Variants in INSC observed in about 807,000 individuals in gnomAD.
The protein encoded by INSC is protein inscuteable homolog.
INSC carries 67 observed loss-of-function variants against 58.6 expected under a neutral mutation model. That is an observed-to-expected ratio of 1.14 (90% CI 0.94 to 1.40). INSC has a LOEUF of 1.40. INSC is among the 40% of genes most tolerant of loss of function. The probability of loss-of-function intolerance (pLI) is 0.00; values close to 1 mark genes in which losing one functional copy is unlikely to be tolerated. For synonymous variants in INSC, 262 were observed against 276.1 expected, an observed-to-expected ratio of 0.95 and a Z score of 0.51; for missense variants, 714 against 692.0, an observed-to-expected ratio of 1.03 and a Z score of -0.36.
intron 9 of INSC, among the ~76,000 whole-genome samples, chr11:15,229,867 GGGC>G (rs1262468023): frequency 4.6e-4 from 66 of 143,490 alleles, no homozygotes; most frequent in African/African-American, 1.7e-3. Context: ...AGACCAGCCT[GGGC>G]AACGTGGCAA....
chr11:15,240,419 C>T (rs1331728468), intron 11 of INSC, 28 bp from the exon 12 acceptor site: 1 of 1,604,104 alleles, frequency 6.2e-7, no homozygotes, highest in African/African-American at 1.3e-5. Context: ...CTGTCCTGGG[C>T]CTGAGGCTCT....
chr11:15,112,015 G>A (rs145933494), upstream of INSC, among the ~76,000 whole-genome samples: 10 of 152,304 alleles, frequency 6.6e-5, no homozygotes, highest in East Asian at 1.9e-3. Flanking sequence ...TATTATCTTT[G>A]TGTCTGGATG....
rs758029102 is a variant in INSC, at chr11:15,221,581, C to A, written c.924C>A (p.His308Gln). 5 of 1,614,004 alleles carry A rather than the reference C, an allele frequency of 3.1e-6. No homozygotes were observed. In the South Asian group the frequency reaches 3.3e-5, roughly 11 times the overall value. The change falls in exon 8 of 13, where the codon CAC becomes CAA. Residue 308 changes from histidine (H) to glutamine (Q), a missense_variant. His to Gln is a conservative substitution (Grantham distance 24, BLOSUM62 0). Transcript: ENST00000379556. ...AAVVAQVTSP[H>Q]LPVTQHLSSF... ...TGGTGGCCCAGGTCACCTCCCCACA[C>A]CTGCCCGTCACCCAGCACCTCAGTA...
chr11:15,166,176 GGGACA>G (rs1425014647), intron 2 of INSC, among the ~76,000 whole-genome samples: 4 of 152,118 alleles, frequency 2.6e-5, no homozygotes, highest in Non-Finnish European at 4.4e-5. Flanking sequence ...GTGTCATGTG[GGGACA>G]GACACTTCTC....
intron 2 of INSC, among the ~76,000 whole-genome samples, chr11:15,152,308 C>T (rs1041021899): frequency 1.3e-5 from 2 of 152,132 alleles, no homozygotes; most frequent in African/African-American, 4.8e-5. Context: ...TGTTGTTGTC[C>T]ATTGGCCAAA....
chr11:15,156,178 A>G (rs1486044336), intron 2 of INSC, among the ~76,000 whole-genome samples: 1 of 152,234 alleles, frequency 6.6e-6, no homozygotes, highest in Non-Finnish European at 1.5e-5. Flanking sequence ...GGCCAGGGTC[A>G]GAAGTTCTGT....
intron 2 of INSC, among the ~76,000 whole-genome samples, chr11:15,158,054 C>A (rs1848878966): frequency 6.6e-6 from 1 of 152,114 alleles, no homozygotes; most frequent in African/African-American, 2.4e-5. Context: ...CCTATCCTGT[C>A]CCTCCCAGAT....
chr11:15,214,248 C>T (rs1324273119), intron 7 of INSC, among the ~76,000 whole-genome samples: 1 of 152,142 alleles, frequency 6.6e-6, no homozygotes, highest in African/African-American at 2.4e-5. Context: ...CTTTGTGATT[C>T]CCACTCATCA....
intron 1 of INSC, among the ~76,000 whole-genome samples, chr11:15,125,349 G>A (rs982130769): frequency 1.4e-4 from 21 of 152,180 alleles, no homozygotes; most frequent in African/African-American, 5.1e-4. Context: ...AGGCTCTTGT[G>A]GGTTATTTGA....
intron 1 of INSC, among the ~76,000 whole-genome samples, chr11:15,120,877 A>G (rs973725050): frequency 3.3e-5 from 5 of 152,192 alleles, no homozygotes; most frequent in South Asian, 2.1e-4. Flanking sequence ...TAAGACTTAT[A>G]TAAGAAATCT....
intron 2 of INSC, among the ~76,000 whole-genome samples, chr11:15,157,855 C>T (rs954914602): frequency 1.1e-4 from 16 of 152,112 alleles, no homozygotes; most frequent in Non-Finnish European, 1.9e-4. Flanking sequence ...TCGATGGGCC[C>T]CTCTGCAAGG....
chr11:15,200,615 A>G (rs1055752637), intron 6 of INSC, among the ~76,000 whole-genome samples: 4 of 151,978 alleles, frequency 2.6e-5, no homozygotes, highest in African/African-American at 9.7e-5. Context: ...AGCTTGGACT[A>G]TGAAGGGTGA....
chr11:15,228,515 T>G (rs1248481149), intron 9 of INSC, among the ~76,000 whole-genome samples: 1 of 152,210 alleles, frequency 6.6e-6, no homozygotes, highest in African/African-American at 2.4e-5. Context: ...CTAGTGAAAG[T>G]GCACCCATTA....
chr11:15,195,349 C>T (rs554222237), intron 6 of INSC, among the ~76,000 whole-genome samples: 2 of 152,134 alleles, frequency 1.3e-5, no homozygotes, highest in Non-Finnish European at 2.9e-5. Flanking sequence ...GATTTGGGCT[C>T]TCTGTGTGGA....
At chr11:15,193,564 T>C (rs1486394582) in intron 6 of INSC, among the ~76,000 whole-genome samples, 1 of 152,188 alleles carries the variant, frequency 6.6e-6, no homozygotes, top group African/African-American at 2.4e-5. Flanking sequence ...GTCCTTGCAA[T>C]AGTTTGCTGA....
At chr11:15,263,935 C>T in the INSC span, among the ~76,000 whole-genome samples, 2 of 150,378 alleles carry the variant, frequency 1.3e-5, no homozygotes, top group African/African-American at 2.4e-5. Context: ...ACCTCAAATT[C>T]TTCTCATGCT....
At chr11:15,258,656 C>T in the INSC span, among the ~76,000 whole-genome samples, 1 of 152,156 alleles carries the variant, frequency 6.6e-6, no homozygotes, top group African/African-American at 2.4e-5. Flanking sequence ...ATCTGCTGGA[C>T]CCTTTGAATA....
At position 15,146,193 on chromosome 11, in the gene INSC, A is replaced by G. The variant is rs78526368; in HGVS notation, c.-45-2937A>G. Among the ~76,000 whole-genome samples the G allele has an allele frequency of 1.5e-4, 23 of 152,368 alleles. No individual in the cohort carries two copies. In the East Asian group the frequency reaches 4.4e-3, roughly 29 times the overall value. Reference sequence around the variant, plus strand: ...TTCTAAACATCAGGTGGGCTAAACAAGTATTTCCTATCTCGCCTTCCAGAT... The same window carrying G: ...TTCTAAACATCAGGTGGGCTAAACAGGTATTTCCTATCTCGCCTTCCAGAT... On this transcript the variant is annotated intron_variant, in intron 1 of 12. Coordinates refer to ENST00000379556, the MANE Select transcript of INSC (RefSeq NM_001042536.3).
chr11:15,226,999 T>G (rs972431291), intron 9 of INSC, among the ~76,000 whole-genome samples: 1 of 152,186 alleles, frequency 6.6e-6, no homozygotes, highest in Non-Finnish European at 1.5e-5. Flanking sequence ...AAGCTCCTAT[T>G]CGGAGATAAT....
Sources: allele counts gnomAD v4.1 joint callset (sites outside exome capture counted in the v4.1 genomes callset), GRCh38; gene constraint gnomAD v4.1.1; transcripts MANE v1.5; gene names NCBI Gene and HGNC (gene_info 2026-07-23, HGNC 2026-07-21).